SCFD2: variants seen among roughly 807,000 people sequenced by gnomAD.
SCFD2 encodes sec1 family domain containing 2.
SCFD2 carries 54 observed loss-of-function variants against 58.9 expected under a neutral mutation model. The observed-to-expected ratio is 0.92, with a 90% CI of 0.74 to 1.15. The LOEUF (loss-of-function observed/expected upper bound fraction) is 1.15, where lower values mean the gene tolerates loss of function less well. SCFD2 is among the 50% of genes most tolerant of loss of function. SCFD2 has a pLI of 0.00. For missense variants in SCFD2, 805 were observed against 836.6 expected, an observed-to-expected ratio of 0.96 and a Z score of 0.47; for synonymous variants, 321 against 335.9, an observed-to-expected ratio of 0.96 and a Z score of 0.49.
chr4:53,292,858 G>T (rs1230301174), intron 3 of SCFD2, among the ~76,000 whole-genome samples: 1 of 150,562 alleles, frequency 6.6e-6, no homozygotes, highest in Non-Finnish European at 1.5e-5. Context: ...ATCATACACT[G>T]AGGCCTGTCA....
At chr4:53,343,506 C>G (rs1733953033) in intron 2 of SCFD2, among the ~76,000 whole-genome samples, 1 of 152,180 alleles carries the variant, frequency 6.6e-6, no homozygotes, top group Non-Finnish European at 1.5e-5. Context: ...AGAATCACAT[C>G]CAAAGTCCAC....
chr4:53,337,433 G>T (rs1429296398), intron 2 of SCFD2, among the ~76,000 whole-genome samples: 2 of 152,202 alleles, frequency 1.3e-5, no homozygotes, highest in Admixed American at 6.5e-5. Context: ...ATGAACTTGG[G>T]AGGAGGATAT....
At chr4:53,003,324 T>C (rs1435519779) in intron 5 of SCFD2, among the ~76,000 whole-genome samples, 1 of 152,240 alleles carries the variant, frequency 6.6e-6, no homozygotes, top group Non-Finnish European at 1.5e-5. Flanking sequence ...TGCTGTTCAA[T>C]ACAGTAATCA....
Position 53,145,486 on chromosome 4 carries a change from C to G in SCFD2, c.1408G>C (p.Glu470Gln). The change falls in exon 5 of 9, where the codon GAA becomes CAA. Residue 470 changes from glutamate (E) to glutamine (Q), a missense_variant. Around this residue, in one of 3 missense-constraint regions of SCFD2, gnomAD observed 633 missense variants for 646.8 expected, o/e 0.98. Transcript: ENST00000401642. ...QRTNEDYSPE[E>Q]LLILLIYIYS... The stretch of plus-strand genomic sequence containing the variant: ...ATATATATGAGAAGGATCAGCAGTT[C>G]CTCAGGGCTGTAGTCCTCGTTGGTT... 6.2e-7 allele frequency: 1 copy of G among 1,614,136 alleles called. No individual in the cohort carries two copies. The highest frequency in any genetic ancestry group is 8.5e-7 in the Non-Finnish European group (1 of 1,180,012).
intron 5 of SCFD2, among the ~76,000 whole-genome samples, chr4:53,099,606 C>T (rs1355613460): frequency 6.6e-6 from 1 of 152,068 alleles, no homozygotes; most frequent in Non-Finnish European, 1.5e-5. Context: ...CCAGCATGTG[C>T]AGAGATCACA....
At chr4:52,964,484 C>T (rs1003979598) in intron 5 of SCFD2, among the ~76,000 whole-genome samples, 3 of 152,178 alleles carry the variant, frequency 2.0e-5, no homozygotes, top group Non-Finnish European at 1.5e-5. Flanking sequence ...ATGTCTTTTC[C>T]AACGGCCCTG....
At chr4:53,190,884 TATAA>T (rs1319198135) in intron 4 of SCFD2, among the ~76,000 whole-genome samples, 2 of 152,222 alleles carry the variant, frequency 1.3e-5, no homozygotes, top group Admixed American at 1.3e-4. Context: ...AGAGAATTCC[TATAA>T]ATATATTTAA....
intron 5 of SCFD2, among the ~76,000 whole-genome samples, chr4:53,076,809 G>T (rs911471177): frequency 4.6e-5 from 7 of 152,138 alleles, no homozygotes; most frequent in African/African-American, 1.7e-4. Context: ...TCCAACACGG[G>T]CTGCTTCCCC....
At position 52,873,685 on chromosome 4, in the gene SCFD2, CAA is replaced by C; in HGVS notation, c.*282_*283del. 1 of 235,450 alleles carries C rather than the reference CAA, an allele frequency of 4.2e-6. No individual in the cohort carries two copies. The highest frequency in any genetic ancestry group is 8.9e-5 in the East Asian group (1 of 11,252). The allele number at this position is 235,450 out of a possible 1,614,324, so 14.6% of individuals were successfully genotyped here. On this transcript the variant is annotated 3_prime_UTR_variant, in exon 9 of 9. Transcript: ENST00000401642. ...CTTGTAGGTGGAATCAGGAAGATCA[CAA>C]ACAGAGGGTTAAGGATAAATGGAAA...
intron 4 of SCFD2, among the ~76,000 whole-genome samples, chr4:53,261,264 T>G (rs1730820477): frequency 6.6e-6 from 1 of 152,194 alleles, no homozygotes; most frequent in African/African-American, 2.4e-5. Context: ...ATGTCTTTTC[T>G]TCTGCTGGGT....
intron 5 of SCFD2, among the ~76,000 whole-genome samples, chr4:53,127,607 T>A (rs1725664939): frequency 6.6e-6 from 1 of 152,200 alleles, no homozygotes; most frequent in Non-Finnish European, 1.5e-5. Flanking sequence ...AAGGCTGATC[T>A]CAGGAGTTGT....
chr4:53,004,860 C>A (rs570649953), intron 5 of SCFD2, among the ~76,000 whole-genome samples: 1 of 152,212 alleles, frequency 6.6e-6, no homozygotes, highest in African/African-American at 2.4e-5. Flanking sequence ...TCCCCCAGCA[C>A]CCATGAAACC....
At position 53,231,356 on chromosome 4, in the gene SCFD2, C is replaced by T. The variant is rs192126002; in HGVS notation, c.1311+42470G>A. On this transcript the variant is annotated intron_variant, in intron 4 of 8. Coordinates refer to ENST00000401642, the MANE Select transcript of SCFD2 (RefSeq NM_152540.4). ...CATGGATTCAGCCTTGCTGTCAAAGCATGGCGTCTGGTGTCTAATAGGTGG... is the reference window on the plus strand; with the variant it reads ...CATGGATTCAGCCTTGCTGTCAAAGTATGGCGTCTGGTGTCTAATAGGTGG... 2.0e-5 allele frequency among the ~76,000 whole-genome samples: 3 copies of T among 152,180 alleles called. No individual in the cohort carries two copies. The East Asian group carries it at 5.8e-4, about 29-fold the overall frequency.
intron 4 of SCFD2, among the ~76,000 whole-genome samples, chr4:53,247,495 C>T (rs1305645079): frequency 1.3e-5 from 2 of 152,168 alleles, no homozygotes; most frequent in African/African-American, 4.8e-5. Context: ...AATCCAAATG[C>T]CCATCAATGA....
At chr4:53,315,728 T>C (rs1260906158) in intron 2 of SCFD2, among the ~76,000 whole-genome samples, 1 of 152,156 alleles carries the variant, frequency 6.6e-6, no homozygotes, top group Non-Finnish European at 1.5e-5. Context: ...GTCTCAACAA[T>C]ATCTCTCCAC....
intron 5 of SCFD2, among the ~76,000 whole-genome samples, chr4:53,063,960 G>T (rs1164969333): frequency 6.6e-6 from 1 of 151,938 alleles, no homozygotes; most frequent in African/African-American, 2.4e-5. Flanking sequence ...GAGGCAAATT[G>T]CAGTCTCCAC....
At chr4:52,978,956 T>A (rs1340691230) in intron 5 of SCFD2, among the ~76,000 whole-genome samples, 1 of 152,060 alleles carries the variant, frequency 6.6e-6, no homozygotes, top group Non-Finnish European at 1.5e-5. Flanking sequence ...AGATGGGGTC[T>A]TGCTATCTTG....
At chr4:52,933,026 TCATCCCTTTCTGAGG>T (rs1720037016) in intron 5 of SCFD2, among the ~76,000 whole-genome samples, 1 of 152,200 alleles carries the variant, frequency 6.6e-6, no homozygotes, top group South Asian at 2.1e-4. Flanking sequence ...CCCCTTCTTC[TCATCCCTTTCTGAGG>T]CAAGGCTGGG....
chr4:53,096,037 A>G (rs993485432), intron 5 of SCFD2, among the ~76,000 whole-genome samples: 2 of 152,120 alleles, frequency 1.3e-5, no homozygotes, highest in African/African-American at 4.8e-5. Context: ...TGTCCCTACA[A>G]AGGACATGAA....
Sources: allele counts gnomAD v4.1 joint callset (sites outside exome capture counted in the v4.1 genomes callset), GRCh38; gene constraint gnomAD v4.1.1; regional missense constraint gnomAD v4.1.1; transcripts MANE v1.5; gene names NCBI Gene and HGNC (gene_info 2026-07-23, HGNC 2026-07-21).